Variants in CDH5 observed in about 807,000 individuals in gnomAD.
CDH5 encodes cadherin 5.
A neutral mutation model predicts 62.0 loss-of-function variants in CDH5; 28 were observed. That is an observed-to-expected ratio of 0.45 (90% CI 0.33 to 0.62). CDH5 has a LOEUF of 0.62. Among genes scored for constraint, CDH5 ranks in the 20% least tolerant of loss-of-function variants. The pLI, the probability that CDH5 is intolerant of heterozygous loss-of-function variation, is 0.02. For synonymous variants in CDH5, 464 were observed against 445.8 expected, an observed-to-expected ratio of 1.04 and a Z score of -0.52; for missense variants, 940 against 1,065.1, an observed-to-expected ratio of 0.88 and a Z score of 1.63.
At chr16:66,379,267 A>T in intron 1 of CDH5, 52 bp from the exon 2 acceptor site, 4 of 1,313,502 alleles carry the variant, frequency 3.0e-6, no homozygotes, top group Non-Finnish European at 4.3e-6. Flanking sequence ...GTGTCTAAGT[A>T]CTCCTTTCAT....
Position 66,403,704 on chromosome 16 carries a change from A to C in CDH5, c.*535A>C. The C allele has an allele frequency of 1.3e-5, 2 of 156,478 alleles. No individual in the cohort carries two copies. The highest frequency in any genetic ancestry group is 6.1e-5 in the Admixed American group (1 of 16,510). The allele number at this position is 156,478 out of a possible 1,614,324, so 9.7% of individuals were successfully genotyped here. Reference sequence around the variant, plus strand: ...TAGCCCTGCTCCAACTCCATACTCCACTCCAAGTGCCCCACCACTCCCCAA... The same window carrying C: ...TAGCCCTGCTCCAACTCCATACTCCCCTCCAAGTGCCCCACCACTCCCCAA... On this transcript the variant is annotated 3_prime_UTR_variant, in exon 12 of 12. Coordinates refer to ENST00000341529, the MANE Select transcript of CDH5 (RefSeq NM_001795.5). This position sits in a 1 kb window ranked among gnomAD's most constrained non-coding sequence, Gnocchi z 4.3.
rs1961312397 is a variant in CDH5 at position 66,402,803 on chromosome 16, C to T, written c.1989C>T (p.Leu663=). Residue 663 remains leucine, a synonymous_variant, in exon 12 of 12, where the codon CTC becomes CTT. Coordinates refer to ENST00000341529, the MANE Select transcript of CDH5 (RefSeq NM_001795.5). The part of the protein sequence containing the change: ...MDTTSYDVSV[L]NSVRRGGAKP... ...CCACCAGCTACGATGTGTCGGTGCT[C>T]AACTCGGTGCGCCGCGGCGGGGCCA... is the stretch of plus-strand genomic sequence containing the variant. 1 of 1,601,934 alleles carries T rather than the reference C, an allele frequency of 6.2e-7. No homozygotes were observed. Among genetic ancestry groups the T allele is most frequent in the East Asian group, 2.3e-5 (1 of 44,356 alleles).
At chr16:66,376,071 G>A (rs1285725324) in intron 1 of CDH5, among the ~76,000 whole-genome samples, 3 of 151,932 alleles carry the variant, frequency 2.0e-5, no homozygotes, top group Admixed American at 6.6e-5. Context: ...AGATCACACC[G>A]CTGCACTCCA....
chr16:66,368,029 A>G (rs1464878624), intron 1 of CDH5, among the ~76,000 whole-genome samples: 1 of 152,160 alleles, frequency 6.6e-6, no homozygotes, highest in Non-Finnish European at 1.5e-5. Flanking sequence ...AGCAGGTACG[A>G]GGAAGGGGGT....
At position 66,390,522 on chromosome 16, in the gene CDH5, G is replaced by A. The variant is rs369961093; in HGVS notation, c.901G>A (p.Asp301Asn). The stretch of plus-strand genomic sequence containing the variant: ...GACCAAGTACAGCATCTTGCGGGGC[G>A]ACTACCAGGACGCTTTCACCATTGA... ...RMTKYSILRG[D>N]YQDAFTIETN... Residue 301 changes from aspartate to asparagine, a missense_variant, in exon 6 of 12, where the codon GAC (aspartate) becomes AAC (asparagine). Asp to Asn is a conservative substitution (Grantham distance 23, BLOSUM62 1). Coordinates refer to ENST00000341529, the MANE Select transcript of CDH5 (RefSeq NM_001795.5). 161 of 1,613,976 alleles carry A rather than the reference G, an allele frequency of 1.0e-4. No homozygotes were observed. The East Asian group carries it at 1.7e-3, about 17-fold the overall frequency.
Position 66,401,035 on chromosome 16 carries a change from G to T in CDH5, c.1837+19G>T. On this transcript the variant is annotated intron_variant, in intron 11 of 11. Coordinates refer to ENST00000341529, the MANE Select transcript of CDH5 (RefSeq NM_001795.5). ...ATCACAGGTCAGTGCTGGGCAGGGTGGGGAGAAGACACAGTGGGTGGAAGG... is the reference window on the plus strand; with the variant it reads ...ATCACAGGTCAGTGCTGGGCAGGGTTGGGAGAAGACACAGTGGGTGGAAGG... 1.2e-6 allele frequency: 2 copies of T among 1,613,528 alleles called. No homozygotes were observed. The highest frequency in any genetic ancestry group is 2.7e-5 in the African/African-American group (2 of 75,056).
At chr16:66,402,380 C>T (rs563208464) in intron 11 of CDH5, among the ~76,000 whole-genome samples, 2 of 127,978 alleles carry the variant, frequency 1.6e-5, no homozygotes, top group African/African-American at 3.0e-5. Context: ...GAGTGTCGGG[C>T]GAGGTGGGGA....
At position 66,403,973 on chromosome 16, in the gene CDH5, G is replaced by A. The variant is rs1382079582; in HGVS notation, c.*804G>A. 1 of 152,762 alleles carries A rather than the reference G, an allele frequency of 6.5e-6. No homozygotes were observed. Among genetic ancestry groups the A allele is most frequent in the Non-Finnish European group, 1.5e-5 (1 of 68,154 alleles). 9.5% of individuals were successfully genotyped at this position (152,762 alleles called of 1,614,324 possible). A position where few individuals can be genotyped will look rare whatever the true frequency, so the allele number is the denominator to read the frequency against. ...CTCCACACCCACCCCCTCTGGAGAA[G>A]GCCTGGAAGAGCTGAGACCTTGCTT... is the stretch of plus-strand genomic sequence containing the variant. On this transcript the variant is annotated 3_prime_UTR_variant, in exon 12 of 12. Coordinates refer to ENST00000341529, the MANE Select transcript of CDH5 (RefSeq NM_001795.5). This position sits in a 1 kb window ranked among gnomAD's most constrained non-coding sequence, Gnocchi z 4.3.
At chr16:66,396,973 A>G (rs2142339526) in intron 8 of CDH5, among the ~76,000 whole-genome samples, 1 of 152,232 alleles carries the variant, frequency 6.6e-6, no homozygotes. Flanking sequence ...CCTCCACATA[A>G]TCCCATTCAT....
At position 66,400,767 on chromosome 16, in the gene CDH5, C is replaced by G. The variant is rs1234451837; in HGVS notation, c.1592-4C>G. The G allele has an allele frequency of 3.1e-6, 5 of 1,614,184 alleles. No individual in the cohort carries two copies. The highest frequency in any genetic ancestry group is 1.7e-6 in the Non-Finnish European group (2 of 1,180,038). On this transcript the variant is annotated splice_polypyrimidine_tract_variant and splice_region_variant and intron_variant, in intron 10 of 11. Transcript: ENST00000341529. ...GCCTGACTCCGAGGCCTTGGTGTTT[C>G]CAGATAACACGGCCAACATCACAGT...
At chr16:66,375,080 TC>T (rs1960761122) in intron 1 of CDH5, among the ~76,000 whole-genome samples, 1 of 152,130 alleles carries the variant, frequency 6.6e-6, no homozygotes, top group African/African-American at 2.4e-5. Flanking sequence ...GAAATCTGGA[TC>T]GTATAGCCTG....
At chr16:66,389,009 G>A (rs1013806527) in intron 4 of CDH5, among the ~76,000 whole-genome samples, 2 of 152,216 alleles carry the variant, frequency 1.3e-5, no homozygotes, top group African/African-American at 4.8e-5. Context: ...CTTTCAGAGA[G>A]ATGGCAAATA....
chr16:66,389,578 G>A, intron 5 of CDH5, 56 bp downstream of exon 5: 4 of 1,394,672 alleles, frequency 2.9e-6, no homozygotes, highest in Non-Finnish European at 3.8e-6. Flanking sequence ...CAGACTCAGT[G>A]ACTTGGGGCT....
chr16:66,380,492 CGAT>C (rs1416973403), intron 2 of CDH5, among the ~76,000 whole-genome samples: 41 of 122,394 alleles, frequency 3.3e-4, no homozygotes, highest in African/African-American at 1.2e-3. Context: ...GTGGTGATCA[CGAT>C]GATGGCGGTG....
chr16:66,392,102 G>A (rs1372314618), intron 6 of CDH5, 34 bp from the exon 7 acceptor site: 1 of 1,613,110 alleles, frequency 6.2e-7, no homozygotes, highest in Non-Finnish European at 8.5e-7. Context: ...GCTTGGCCCA[G>A]AGCAGGCACT....
In CDH5 at chr16:66,402,884, G is replaced by A; in HGVS notation, c.2070G>A (p.Lys690=). ...ARPSLYAQVQ[K]PPRHAPGAHG... ...CTTCCCTCTATGCGCAGGTGCAGAA[G>A]CCACCGAGGCACGCGCCTGGGGCAC... Residue 690 remains lysine, a synonymous_variant, in exon 12 of 12, where the codon AAG becomes AAA. Transcript: ENST00000341529. The A allele has an allele frequency of 6.2e-7, 1 of 1,609,992 alleles. No individual in the cohort carries two copies. Among genetic ancestry groups the A allele is most frequent in the South Asian group, 1.1e-5 (1 of 90,646 alleles).
chr16:66,380,668 A>C (rs1960881706), intron 2 of CDH5, among the ~76,000 whole-genome samples: 2 of 150,236 alleles, frequency 1.3e-5, no homozygotes, highest in African/African-American at 4.9e-5. Flanking sequence ...TGATGATGGA[A>C]GTGATGATGA....
chr16:66,391,027 GT>G (rs1310803135), intron 6 of CDH5, among the ~76,000 whole-genome samples: 12 of 152,230 alleles, frequency 7.9e-5, no homozygotes, highest in African/African-American at 2.9e-4. Flanking sequence ...GAAGAAAACA[GT>G]GAGTAATTGT....
At chr16:66,380,735 G>T (rs910648625) in intron 2 of CDH5, among the ~76,000 whole-genome samples, 23 of 151,684 alleles carry the variant, frequency 1.5e-4, no homozygotes, top group Non-Finnish European at 2.8e-4. Flanking sequence ...GGTGGTGGTA[G>T]TGATGGTAAA....
Sources: allele counts gnomAD v4.1 joint callset (sites outside exome capture counted in the v4.1 genomes callset), GRCh38; gene constraint gnomAD v4.1.1; non-coding constraint Gnocchi (gnomAD v3.1); transcripts MANE v1.5; gene names NCBI Gene and HGNC (gene_info 2026-07-23, HGNC 2026-07-21).